Variants in SMIM13 observed in about 807,000 individuals in gnomAD.
SMIM13 encodes UPF0766 protein C6orf228.
A neutral mutation model predicts 5.9 loss-of-function variants in SMIM13; 3 were observed. The observed-to-expected ratio is 0.51, with a 90% CI of 0.23 to 1.31. SMIM13 has a LOEUF of 1.31. Ranked by LOEUF, SMIM13 falls within the 40% of genes most tolerant of loss-of-function variation. The pLI is 0.18. For missense variants in SMIM13, 85 were observed against 109.9 expected (o/e 0.77, Z 1.01); for synonymous variants, 55 against 46.0 (o/e 1.19, Z -0.79).
At chr6:11,130,121 G>T (rs1758433264) in intron 1 of SMIM13, among the ~76,000 whole-genome samples, 1 of 152,034 alleles carries the variant, frequency 6.6e-6, no homozygotes, top group East Asian at 1.9e-4. Flanking sequence ...ACCTCTGTAA[G>T]AACTTAGTCA....
chr6:11,126,075 A>C (rs192783920), intron 1 of SMIM13, among the ~76,000 whole-genome samples: 8 of 152,100 alleles, frequency 5.3e-5, no homozygotes, highest in Admixed American at 5.2e-4. Context: ...TTTGAGATGG[A>C]GTCTCGCTCT....
intron 1 of SMIM13, chr6:11,104,047 T>C: frequency 6.4e-7 from 1 of 1,551,764 alleles, no homozygotes. Context: ...GCCGTTAACA[T>C]GTCTAGTCCT....
intron 1 of SMIM13, among the ~76,000 whole-genome samples, chr6:11,133,406 T>A (rs1561761550): frequency 6.6e-6 from 1 of 152,124 alleles, no homozygotes; most frequent in Non-Finnish European, 1.5e-5. Flanking sequence ...AAAAAACAAG[T>A]AAAATTAGAA....
chr6:11,123,461 G>A (rs1758336878), intron 1 of SMIM13, among the ~76,000 whole-genome samples: 1 of 152,178 alleles, frequency 6.6e-6, no homozygotes, highest in Non-Finnish European at 1.5e-5. Context: ...AACTATGTGT[G>A]TGACTTTCTA....
intron 1 of SMIM13, among the ~76,000 whole-genome samples, chr6:11,122,672 T>C (rs1422288242): frequency 6.6e-6 from 1 of 152,210 alleles, no homozygotes; most frequent in Non-Finnish European, 1.5e-5. Flanking sequence ...CTTTTTGCAG[T>C]GTGGACCTTT....
At chr6:11,100,883 C>G (rs528456782) in intron 1 of SMIM13, among the ~76,000 whole-genome samples, 5 of 152,068 alleles carry the variant, frequency 3.3e-5, no homozygotes, top group Admixed American at 2.6e-4. Context: ...TTTTGGATAG[C>G]CTTTTTGTCA....
intron 1 of SMIM13, among the ~76,000 whole-genome samples, chr6:11,109,766 G>A (rs1758141176): frequency 6.6e-6 from 1 of 152,084 alleles, no homozygotes; most frequent in South Asian, 2.1e-4. Flanking sequence ...TTAGGGTTTG[G>A]GAGTCAAACT....
intron 1 of SMIM13, among the ~76,000 whole-genome samples, chr6:11,116,165 G>T (rs750365820): frequency 1.3e-5 from 2 of 151,798 alleles, no homozygotes; most frequent in Admixed American, 1.3e-4. Context: ...CTACAGGCAT[G>T]CAGTACCACA....
intron 1 of SMIM13, among the ~76,000 whole-genome samples, chr6:11,134,115 A>G (rs1014915230): frequency 6.6e-6 from 1 of 152,134 alleles, no homozygotes; most frequent in African/African-American, 2.4e-5. Context: ...TGATTTTAGT[A>G]TAAGTAACAC....
At chr6:11,111,888 T>G (rs1170051581) in intron 1 of SMIM13, among the ~76,000 whole-genome samples, 8 of 152,298 alleles carry the variant, frequency 5.3e-5, no homozygotes, top group Middle Eastern at 3.4e-3. Context: ...GTTGTGCGCA[T>G]GCTTTCTTGA....
intron 1 of SMIM13, among the ~76,000 whole-genome samples, chr6:11,122,895 T>C (rs1217514947): frequency 6.6e-6 from 1 of 151,948 alleles, no homozygotes; most frequent in Non-Finnish European, 1.5e-5. Context: ...TTCCCTCTAC[T>C]CCCCTCTTAA....
At chr6:11,111,902 A>G (rs1051978154) in intron 1 of SMIM13, among the ~76,000 whole-genome samples, 12 of 151,824 alleles carry the variant, frequency 7.9e-5, no homozygotes, top group African/African-American at 2.7e-4. Flanking sequence ...TTCTTGAGAC[A>G]TTTTTCCCTT....
Position 11,094,336 on chromosome 6 carries a change from C to T in SMIM13, c.23C>T (p.Thr8Ile). 1 of 1,533,062 alleles carries T rather than the reference C, an allele frequency of 6.5e-7. No homozygotes were observed. The highest frequency in any genetic ancestry group is 8.8e-7 in the Non-Finnish European group (1 of 1,141,710). 95.0% of individuals were successfully genotyped at this position (1,533,062 alleles called of 1,614,324 possible). ...AAGATGTGGCACAGCGTCGGGCTGA[C>T]TCTGCTTGTGTTCGTGGCCACGCTG... MWHSVGL[T>I]LLVFVATLLI... Residue 8 changes from threonine (T) to isoleucine (I), a missense_variant, in exon 1 of 2, where the codon ACT becomes ATT. Physicochemically the swap from Thr to Ile is moderately conservative, Grantham distance 89. Coordinates refer to ENST00000416247, the MANE Select transcript of SMIM13 (RefSeq NM_001135575.2).
At chr6:11,101,795 A>C (rs1204353107) in intron 1 of SMIM13, among the ~76,000 whole-genome samples, 1 of 145,884 alleles carries the variant, frequency 6.9e-6, no homozygotes, top group Non-Finnish European at 1.5e-5. Context: ...ACTGGAGTGG[A>C]GTGGCACAAT....
At chr6:11,104,020 A>G (rs1339821292) in intron 1 of SMIM13, 1 of 1,551,714 alleles carries the variant, frequency 6.4e-7, no homozygotes, top group Non-Finnish European at 8.7e-7. Flanking sequence ...AAGGCCAAAC[A>G]AATTCCTCCC....
chr6:11,100,263 T>C (rs920514827), intron 1 of SMIM13, among the ~76,000 whole-genome samples: 4 of 152,106 alleles, frequency 2.6e-5, no homozygotes, highest in Non-Finnish European at 4.4e-5. Flanking sequence ...GGTTTCACCG[T>C]GTTAGCCAGG....
intron 1 of SMIM13, among the ~76,000 whole-genome samples, chr6:11,106,234 G>A (rs1758080788): frequency 6.6e-6 from 1 of 152,148 alleles, no homozygotes; most frequent in South Asian, 2.1e-4. Context: ...TGTGAGGCAG[G>A]CTTCTACCCA....
chr6:11,104,004 T>C (rs1302026268), intron 1 of SMIM13: 3 of 1,551,712 alleles, frequency 1.9e-6, no homozygotes, highest in Non-Finnish European at 1.7e-6. Context: ...GCAACATTTT[T>C]CATCTAAGGC....
At chr6:11,118,216 A>G (rs1758266509) in intron 1 of SMIM13, among the ~76,000 whole-genome samples, 1 of 152,122 alleles carries the variant, frequency 6.6e-6, no homozygotes, top group Non-Finnish European at 1.5e-5. Flanking sequence ...AATCAAAAGG[A>G]ATGTTTTTTT....
Sources: gnomAD v4.1 joint callset for allele counts (sites outside exome capture counted in the v4.1 genomes callset) on GRCh38, gnomAD v4.1.1 for gene constraint, MANE v1.5 for transcripts, NCBI Gene and HGNC (gene_info 2026-07-23, HGNC 2026-07-21) for gene names.